The following PITPNM3 variants were observed in gnomAD, a reference collection of about 807,000 sequenced individuals.
PITPNM3 encodes the protein membrane-associated phosphatidylinositol transfer protein 3.
PITPNM3 carries 26 observed loss-of-function variants against 102.0 expected under a neutral mutation model. That is an observed-to-expected ratio of 0.25 (90% CI 0.19 to 0.35). The LOEUF (loss-of-function observed/expected upper bound fraction) is 0.35. PITPNM3 is among the 10% of genes least tolerant of loss of function. The pLI, the probability that PITPNM3 is intolerant of heterozygous loss-of-function variation, is 1.00. For synonymous variants in PITPNM3, 578 were observed against 558.6 expected (o/e 1.03, Z -0.49); for missense variants, 1,083 against 1,346.1 (o/e 0.80, Z 3.06).
chr17:6,517,383 A>T lies in PITPNM3; in HGVS notation c.226+7973T>A, dbSNP rs1908246384. 6.6e-6 allele frequency among the ~76,000 whole-genome samples: 1 copy of T among 152,224 alleles called. No homozygotes were observed. Among genetic ancestry groups the T allele is most frequent in the Non-Finnish European group, 1.5e-5 (1 of 68,048 alleles). On this transcript the variant is annotated intron_variant, in intron 3 of 19. Transcript: ENST00000262483. This position sits in a 1 kb window ranked among gnomAD's most constrained non-coding sequence, Gnocchi z 4.1. ...CCCCAAAAGTAAAACAGCAAAACTA[A>T]TCATTAAGTTGAAATGAGAATTGGC... is the stretch of plus-strand genomic sequence containing the variant.
At position 6,464,188 on chromosome 17, in the gene PITPNM3, G is replaced by C. The variant is rs904084088; in HGVS notation, c.2138C>G (p.Pro713Arg). The change falls in exon 16 of 20, where the codon CCT (proline) becomes CGT (arginine). Residue 713 changes from proline (P) to arginine (R), a missense_variant. This residue lies in a region of PITPNM3 where 410 missense variants were observed against 638.4 expected (regional missense o/e 0.64). Transcript: ENST00000262483. ...GTCTTACCTGACGACCATCTTCACA[G>C]GATAGACACCAACCCCCAGGCGCCG... The part of the protein sequence containing the change: ...RPRRLGVGVY[P>R]VKMVVRGDQT... 6.2e-7 allele frequency: 1 copy of C among 1,614,068 alleles called. No individual in the cohort carries two copies. Among genetic ancestry groups the C allele is most frequent in the African/African-American group, 1.3e-5 (1 of 74,922 alleles).
Position 6,477,981 on chromosome 17 carries a change from G to A in PITPNM3, c.894C>T (p.Ser298=). ...ASSSRKGSIS[S]TQDTPVAVEE... ...TCCTGTCCCCCGGCTGTACCTGGGT[G>A]CTGCTGATGCTCCCCTTCCGGCTGC... Residue 298 remains serine (S), a synonymous_variant, in exon 8 of 20, where the codon AGC becomes AGT. Coordinates refer to ENST00000262483, the MANE Select transcript of PITPNM3 (RefSeq NM_031220.4). The A allele has an allele frequency of 6.2e-7, 1 of 1,612,826 alleles. No homozygotes were observed. The highest frequency in any genetic ancestry group is 8.5e-7 in the Non-Finnish European group (1 of 1,180,030).
chr17:6,553,118 C>T (rs1374943620), intron 1 of PITPNM3, among the ~76,000 whole-genome samples: 2 of 152,066 alleles, frequency 1.3e-5, no homozygotes, highest in Non-Finnish European at 2.9e-5. Flanking sequence ...GGCCCATCTC[C>T]CAGAGAAACC....
intron 5 of PITPNM3, 46 bp from the exon 6 acceptor site, chr17:6,483,798 T>C: frequency 6.4e-7 from 1 of 1,554,114 alleles, no homozygotes; most frequent in Non-Finnish European, 8.8e-7. Context: ...GCGGCTGGGG[T>C]CGGGGGAGGC....
rs897787537 is a variant in PITPNM3 at position 6,472,128 on chromosome 17, C to A, written c.1429+529G>T. Among the ~76,000 whole-genome samples the A allele has an allele frequency of 6.6e-6, 1 of 152,216 alleles. No homozygotes were observed. The highest frequency in any genetic ancestry group is 2.4e-5 in the African/African-American group (1 of 41,454). ...ACACTCGGTCCATGCCCGGTTCACC[C>A]CACTTGACCCTGGAGGCCACTGGCT... On this transcript the variant is annotated intron_variant, in intron 11 of 19. Transcript: ENST00000262483. The surrounding 1 kb of genome is among the most constrained non-coding windows in gnomAD (Gnocchi z 4.1).
At chr17:6,497,283 C>T (rs1567676733) in intron 4 of PITPNM3, among the ~76,000 whole-genome samples, 1 of 152,138 alleles carries the variant, frequency 6.6e-6, no homozygotes, top group Non-Finnish European at 1.5e-5. Flanking sequence ...CCTTCGGTGG[C>T]TGGTCAGGGC....
intron 3 of PITPNM3, among the ~76,000 whole-genome samples, chr17:6,504,339 C>T (rs374671612): frequency 3.9e-5 from 6 of 152,290 alleles, no homozygotes; most frequent in South Asian, 2.1e-4. Flanking sequence ...CTGCCTCTCA[C>T]AACCCCGTGC....
intron 17 of PITPNM3, among the ~76,000 whole-genome samples, chr17:6,462,793 A>G (rs1567659961): frequency 1.3e-5 from 2 of 152,156 alleles, no homozygotes; most frequent in Non-Finnish European, 2.9e-5. Flanking sequence ...GATCACCCCT[A>G]GGGATTCTGG....
rs751095976 is a variant in PITPNM3, at chr17:6,525,399, G to C, written c.183C>G (p.Leu61=). Residue 61 remains leucine, a synonymous_variant, in exon 3 of 20, where the codon CTC becomes CTG. Transcript: ENST00000262483. ...IGMSQWNSND[L]VEQIETMGKL... ...TCCCCATGGTCTCGATCTGCTCCACGAGGTCATTGGAGTTCCACTGGCTCA... is the reference window on the plus strand; with the variant it reads ...TCCCCATGGTCTCGATCTGCTCCACCAGGTCATTGGAGTTCCACTGGCTCA... 6.2e-7 allele frequency: 1 copy of C among 1,614,062 alleles called. No homozygotes were observed. The highest frequency in any genetic ancestry group is 8.5e-7 in the Non-Finnish European group (1 of 1,180,046).
At chr17:6,505,471 C>T (rs529018930) in intron 3 of PITPNM3, among the ~76,000 whole-genome samples, 66 of 152,080 alleles carry the variant, frequency 4.3e-4, no homozygotes, top group Non-Finnish European at 7.5e-4. Context: ...AGAACAGAGA[C>T]CTGGACACCG....
rs1057201895 is a variant in PITPNM3 at position 6,457,871 on chromosome 17, T to C, written c.2491-149A>G. On this transcript the variant is annotated intron_variant, in intron 18 of 19. Coordinates refer to ENST00000262483, the MANE Select transcript of PITPNM3 (RefSeq NM_031220.4). The surrounding 1 kb of genome is among the most constrained non-coding windows in gnomAD (Gnocchi z 4.7). Reference sequence around the variant, plus strand: ...CCATGGGGCCACCCTGTGTCAGGAATGAACCCTCAGAGTGGCTGCCCCTCC... The same window carrying C: ...CCATGGGGCCACCCTGTGTCAGGAACGAACCCTCAGAGTGGCTGCCCCTCC... 12 of 1,226,794 alleles carry C rather than the reference T, an allele frequency of 9.8e-6. No homozygotes were observed. The highest frequency in any genetic ancestry group is 1.3e-5 in the Non-Finnish European group (11 of 873,046). 76.0% of individuals were successfully genotyped at this position (1,226,794 alleles called of 1,614,324 possible).
chr17:6,501,642 G>A (rs1423363411), intron 4 of PITPNM3, among the ~76,000 whole-genome samples: 1 of 151,972 alleles, frequency 6.6e-6, no homozygotes, highest in Non-Finnish European at 1.5e-5. Flanking sequence ...GCAGCTTTGG[G>A]GGGCTCAGTC....
At chr17:6,488,057 C>G (rs530438177) in intron 4 of PITPNM3, among the ~76,000 whole-genome samples, 1 of 151,630 alleles carries the variant, frequency 6.6e-6, no homozygotes, top group Admixed American at 6.5e-5. Flanking sequence ...TGAGAGTTGA[C>G]TAACAGGACC....
intron 4 of PITPNM3, among the ~76,000 whole-genome samples, chr17:6,499,704 TTTTATTTATTTA>T (rs34042872): frequency 5.6e-4 from 83 of 149,366 alleles, no homozygotes; most frequent in South Asian, 2.1e-3. Context: ...CCATCTTTTC[TTTTATTTATTTA>T]TTTATTTATT....
intron 4 of PITPNM3, among the ~76,000 whole-genome samples, chr17:6,502,415 C>T (rs1361231079): frequency 6.6e-6 from 1 of 152,148 alleles, no homozygotes; most frequent in African/African-American, 2.4e-5. Context: ...GAGATCGTGC[C>T]ATTGCGCTCC....
intron 3 of PITPNM3, among the ~76,000 whole-genome samples, chr17:6,510,110 T>C (rs1005592503): frequency 6.6e-6 from 1 of 152,224 alleles, no homozygotes; most frequent in Non-Finnish European, 1.5e-5. Context: ...CCGTATGGTA[T>C]GTTACATCGA....
chr17:6,472,967 A>T lies in PITPNM3; in HGVS notation c.1259-140T>A. The T allele has an allele frequency of 9.4e-7, 1 of 1,061,746 alleles. No homozygotes were observed. Among genetic ancestry groups the T allele is most frequent in the Admixed American group, 2.0e-5 (1 of 49,714 alleles). 65.8% of individuals were successfully genotyped at this position (1,061,746 alleles called of 1,614,324 possible). ...CGGGCTCCCTGCTCCCCACGGGAAC[A>T]AAGCCATTACGTTCAGTTTGTCTCC... On this transcript the variant is annotated intron_variant, in intron 10 of 19. Coordinates refer to ENST00000262483, the MANE Select transcript of PITPNM3 (RefSeq NM_031220.4). This position sits in a 1 kb window ranked among gnomAD's most constrained non-coding sequence, Gnocchi z 4.1.
chr17:6,544,708 C>T (rs1235230714), intron 1 of PITPNM3, among the ~76,000 whole-genome samples: 3 of 147,916 alleles, frequency 2.0e-5, no homozygotes, highest in African/African-American at 7.6e-5. Flanking sequence ...ACGAGAACAG[C>T]AGGTTCTACA....
chr17:6,522,920 T>C lies in PITPNM3; in HGVS notation c.226+2436A>G, dbSNP rs560651096. On this transcript the variant is annotated intron_variant, in intron 3 of 19. Transcript: ENST00000262483. ...CCTGCTTGTCTTTATTCCCCCTACA[T>C]TGAGCACAGGGTTGAGCCCCTGTGA... 7.2e-5 allele frequency among the ~76,000 whole-genome samples: 11 copies of C among 152,224 alleles called. No homozygotes were observed. The East Asian group carries it at 7.8e-4, about 11-fold the overall frequency.
Sources: allele counts gnomAD v4.1 joint callset (sites outside exome capture counted in the v4.1 genomes callset), GRCh38; gene constraint gnomAD v4.1.1; regional missense constraint gnomAD v4.1.1; non-coding constraint Gnocchi (gnomAD v3.1); transcripts MANE v1.5; gene names NCBI Gene and HGNC (gene_info 2026-07-23, HGNC 2026-07-21).